HEATR6: variants seen among roughly 807,000 people sequenced by gnomAD.
The protein encoded by HEATR6 is HEAT repeat containing 6, also known as HEAT repeat-containing protein 6.
In HEATR6, 106 loss-of-function variants were observed where a neutral mutation model predicts 132.8. The ratio of observed to expected loss-of-function variants is 0.80; its 90% CI spans 0.68 to 0.94. HEATR6 has a LOEUF of 0.94. Among genes scored for constraint, HEATR6 ranks in the 40% least tolerant of loss-of-function variants. The pLI, the probability that HEATR6 is intolerant of heterozygous loss-of-function variation, is 0.00. For missense variants in HEATR6, 1,339 were observed against 1,425.1 expected (o/e 0.94, Z 0.97); for synonymous variants, 529 against 537.8 (o/e 0.98, Z 0.23).
intron 7 of HEATR6, among the ~76,000 whole-genome samples, chr17:60,069,400 T>C (rs965139907): frequency 6.6e-6 from 1 of 152,254 alleles, no homozygotes; most frequent in Admixed American, 6.5e-5. Context: ...ACTAGCCTAG[T>C]AGAGAAAGTT....
Position 60,056,254 on chromosome 17 carries a change from G to GT in HEATR6, c.2080-18_2080-17insA. 6.2e-7 allele frequency: 1 copy of GT among 1,609,830 alleles called. No homozygotes were observed. Among genetic ancestry groups the GT allele is most frequent in the Non-Finnish European group, 8.5e-7 (1 of 1,178,122 alleles). ...AGTCAATACCTGCAAAGAGAGCATG[G>GT]AATTAACCCTCTAAGACCTGAGTGC... is the stretch of plus-strand genomic sequence containing the variant. On this transcript the variant is annotated splice_polypyrimidine_tract_variant and intron_variant, in intron 12 of 19. Coordinates refer to ENST00000184956, the MANE Select transcript of HEATR6 (RefSeq NM_022070.5).
At chr17:60,062,944 A>G (rs7211652) in intron 9 of HEATR6, 5,004 of 179,664 alleles carry the variant, frequency 0.028, 270 homozygotes, top group African/African-American at 0.11. Context: ...TGCTGCCACC[A>G]TGTAAAGAAG....
rs1598911847 is a variant in HEATR6 at position 60,059,749 on chromosome 17, G to A, written c.1623+141C>T. On this transcript the variant is annotated intron_variant, in intron 10 of 19. Transcript: ENST00000184956. ...ATTATAGATAAGATCAGACGAGTAG[G>A]TACAGACTTCCAAATAGTGTATTTT... 8.4e-6 allele frequency: 6 copies of A among 711,384 alleles called. No homozygotes were observed. The East Asian group carries it at 1.5e-4, about 18-fold the overall frequency. 44.1% of individuals were successfully genotyped at this position (711,384 alleles called of 1,614,324 possible).
At chr17:60,068,364 C>T (rs139831206) in intron 7 of HEATR6, among the ~76,000 whole-genome samples, 1 of 151,882 alleles carries the variant, frequency 6.6e-6, no homozygotes, top group East Asian at 1.9e-4. Flanking sequence ...TCTGTGTCTT[C>T]CTCCACGTTC....
rs1012415190 is a variant in HEATR6, at chr17:60,054,733, C to G, written c.2289+782G>C. ...TAAAAATCAGTAACTTGTTTTTGAT[C>G]TTACAGGCTCATAGGTGGAAGGAAC... On this transcript the variant is annotated intron_variant, in intron 14 of 19. Coordinates refer to ENST00000184956, the MANE Select transcript of HEATR6 (RefSeq NM_022070.5). Among the ~76,000 whole-genome samples the G allele has an allele frequency of 2.0e-5, 3 of 152,328 alleles. No homozygotes were observed. The Middle Eastern group carries it at 0.01, about 518-fold the overall frequency.
At chr17:60,051,706 A>G (rs1906581472) in intron 14 of HEATR6, among the ~76,000 whole-genome samples, 1 of 151,916 alleles carries the variant, frequency 6.6e-6, no homozygotes. Flanking sequence ...TCATTTGTGA[A>G]TCTCTGTGGT....
intron 9 of HEATR6, among the ~76,000 whole-genome samples, chr17:60,064,181 T>G (rs910616422): frequency 2.0e-5 from 3 of 152,068 alleles, no homozygotes; most frequent in African/African-American, 7.2e-5. Context: ...TGGTGGTGCA[T>G]GCCTGTAGTC....
intron 9 of HEATR6, among the ~76,000 whole-genome samples, chr17:60,065,205 T>C (rs2083233847): frequency 6.6e-6 from 1 of 152,206 alleles, no homozygotes; most frequent in Non-Finnish European, 1.5e-5. Flanking sequence ...GTATTTGAAA[T>C]ACCCCACAAG....
intron 17 of HEATR6, 22 bp downstream of exon 17, chr17:60,048,242 G>A: frequency 1.2e-6 from 2 of 1,603,474 alleles, no homozygotes; most frequent in Non-Finnish European, 1.7e-6. Context: ...GTCAGCTGGG[G>A]AAAGCAAGCT....
At chr17:60,046,337 A>G in intron 18 of HEATR6, 108 bp from the exon 19 acceptor site, 1 of 776,882 alleles carries the variant, frequency 1.3e-6, no homozygotes, top group Middle Eastern at 3.8e-4. Context: ...TCTTAAAGCA[A>G]GTCCTTGGAA....
intron 9 of HEATR6, among the ~76,000 whole-genome samples, chr17:60,060,394 G>A (rs1041578285): frequency 6.6e-6 from 1 of 151,804 alleles, no homozygotes; most frequent in Non-Finnish European, 1.5e-5. Context: ...ATCCTCCCAC[G>A]TCAGCCTCCC....
At chr17:60,051,039 TA>T in intron 14 of HEATR6, 62 bp from the exon 15 acceptor site, 1 of 1,576,872 alleles carries the variant, frequency 6.3e-7, no homozygotes. Flanking sequence ...AACTTGGAGC[TA>T]AGCCTACCAG....
chr17:60,066,156 G>T, intron 9 of HEATR6, 53 bp downstream of exon 9: 1 of 1,408,504 alleles, frequency 7.1e-7, no homozygotes, highest in Non-Finnish European at 1.0e-6. Context: ...TAACAATAAG[G>T]ATCTGTAAAT....
intron 11 of HEATR6, 146 bp from the exon 12 acceptor site, chr17:60,057,549 T>G (rs764972887): frequency 3.4e-6 from 2 of 585,556 alleles, no homozygotes; most frequent in Non-Finnish European, 6.0e-6. Flanking sequence ...AGTTTGGAAA[T>G]ACATGGGACA....
intron 9 of HEATR6, chr17:60,063,637 T>G (rs2083223670): frequency 6.2e-6 from 1 of 162,228 alleles, no homozygotes; most frequent in Admixed American, 6.0e-5. Context: ...CTCTGTTTAT[T>G]GTTGGCATTC....
chr17:60,048,500 G>GAAA, intron 16 of HEATR6, 112 bp from the exon 17 acceptor site: 1 of 1,057,294 alleles, frequency 9.5e-7, no homozygotes, highest in Non-Finnish European at 1.3e-6. Flanking sequence ...TTTCTACTTA[G>GAAA]AAATAAAAAT....
chr17:60,067,811 T>A, intron 7 of HEATR6, 79 bp from the exon 8 acceptor site: 1 of 1,145,210 alleles, frequency 8.7e-7, no homozygotes, highest in Non-Finnish European at 1.2e-6. Flanking sequence ...TTCTTCATTT[T>A]AAAGTGACTA....
At position 60,041,126 on chromosome 17, in the gene HEATR6, T is replaced by C. The variant is rs2145173890; in HGVS notation, c.*2437A>G. Among the ~76,000 whole-genome samples the C allele has an allele frequency of 6.6e-6, 1 of 152,328 alleles. No homozygotes were observed. Among genetic ancestry groups the C allele is most frequent in the East Asian group, 1.9e-4 (1 of 5,192 alleles). ...TGAGGAGCTTCTGTCCTTTAGTGTA[T>C]GTACACCCACAATGCTGCAGAGAAG... On this transcript the variant is annotated 3_prime_UTR_variant, in exon 20 of 20. Coordinates refer to ENST00000184956, the MANE Select transcript of HEATR6 (RefSeq NM_022070.5).
Position 60,042,773 on chromosome 17 carries a change from T to C in HEATR6, c.*790A>G, listed in dbSNP as rs55858812. Among the ~76,000 whole-genome samples, 67 of 53,476 alleles carry C rather than the reference T, an allele frequency of 1.3e-3. No homozygotes were observed. Among genetic ancestry groups the C allele is most frequent in the East Asian group, 3.5e-3 (4 of 1,158 alleles). 35.1% of individuals were successfully genotyped at this position (53,476 alleles called of 152,430 possible). ...ACCGTCAGCATCCTCGCGTCCTGTG[T>C]GGCTGTGAGGCACCGTCAGCATCCT... On this transcript the variant is annotated 3_prime_UTR_variant, in exon 20 of 20. Coordinates refer to ENST00000184956, the MANE Select transcript of HEATR6 (RefSeq NM_022070.5).
Sources: gnomAD v4.1 joint callset for allele counts (sites outside exome capture counted in the v4.1 genomes callset) on GRCh38, gnomAD v4.1.1 for gene constraint, MANE v1.5 for transcripts, NCBI Gene and HGNC (gene_info 2026-07-23, HGNC 2026-07-21) for gene names.